DDAH1: variants seen among roughly 807,000 people sequenced by gnomAD.
DDAH1 encodes N(G),N(G)-dimethylarginine dimethylaminohydrolase 1.
In DDAH1, 19 loss-of-function variants were observed where a neutral mutation model predicts 28.8. The ratio of observed to expected loss-of-function variants is 0.66; its 90% CI spans 0.46 to 0.97. The LOEUF (loss-of-function observed/expected upper bound fraction) is 0.97, where lower values mean the gene tolerates loss of function less well. DDAH1 is among the 50% of genes least tolerant of loss of function. The probability of loss-of-function intolerance (pLI) is 0.00; values close to 1 mark genes in which losing one functional copy is unlikely to be tolerated. For synonymous variants in DDAH1, 153 were observed against 154.4 expected, an observed-to-expected ratio of 0.99 and a Z score of 0.07; for missense variants, 326 against 375.9, an observed-to-expected ratio of 0.87 and a Z score of 1.10.
intron 1 of DDAH1, among the ~76,000 whole-genome samples, chr1:85,443,787 G>C (rs959251519): frequency 1.2e-4 from 18 of 152,294 alleles, no homozygotes; most frequent in Non-Finnish European, 2.5e-4. Flanking sequence ...TTGTGAAGGG[G>C]AGTTCACTCA....
At chr1:85,348,146 A>G (rs957482396) in intron 4 of DDAH1, among the ~76,000 whole-genome samples, 1 of 152,164 alleles carries the variant, frequency 6.6e-6, no homozygotes, top group African/African-American at 2.4e-5. Flanking sequence ...CACTAACTCG[A>G]ATGAACTCTA....
chr1:85,419,428 T>C (rs1417538529), intron 1 of DDAH1, among the ~76,000 whole-genome samples: 3 of 150,170 alleles, frequency 2.0e-5, no homozygotes, highest in African/African-American at 7.4e-5. Flanking sequence ...TAACCCCAGC[T>C]ATTCGGGAGG....
At chr1:85,485,015 A>G (rs1451674803) in intron 2 of DDAH1, among the ~76,000 whole-genome samples, 3 of 152,234 alleles carry the variant, frequency 2.0e-5, no homozygotes, top group Admixed American at 2.0e-4. Flanking sequence ...TGCTATGGAT[A>G]GCATACCTGA....
At chr1:85,374,543 C>T (rs1650556215) in intron 1 of DDAH1, among the ~76,000 whole-genome samples, 1 of 151,996 alleles carries the variant, frequency 6.6e-6, no homozygotes, top group African/African-American at 2.4e-5. Flanking sequence ...GTAACATATC[C>T]CATCCCACAA....
chr1:85,469,893 T>G (rs1397694633), upstream of DDAH1, among the ~76,000 whole-genome samples: 1 of 152,218 alleles, frequency 6.6e-6, no homozygotes, highest in Non-Finnish European at 1.5e-5. Context: ...ATAAGCAATT[T>G]CCTTTAAATT....
At chr1:85,475,345 G>C (rs1655760285) in intron 2 of DDAH1, among the ~76,000 whole-genome samples, 1 of 152,152 alleles carries the variant, frequency 6.6e-6, no homozygotes, top group Non-Finnish European at 1.5e-5. Flanking sequence ...GAGGAGGAGG[G>C]AAAAAGAAGA....
intron 1 of DDAH1, among the ~76,000 whole-genome samples, chr1:85,572,117 C>A (rs1659474570): frequency 6.6e-6 from 1 of 152,192 alleles, no homozygotes; most frequent in Non-Finnish European, 1.5e-5. Context: ...CTCTCAATCT[C>A]TGAGAAGTTC....
chr1:85,334,413 A>G (rs566293914), intron 4 of DDAH1, among the ~76,000 whole-genome samples: 1 of 152,296 alleles, frequency 6.6e-6, no homozygotes, highest in Non-Finnish European at 1.5e-5. Context: ...ACAGCAAGAG[A>G]AAAACATCTG....
intron 2 of DDAH1, chr1:85,494,284 C>T (rs1656504184): frequency 6.6e-6 from 1 of 152,202 alleles, no homozygotes; most frequent in South Asian, 2.1e-4. Flanking sequence ...TGCATTAAGG[C>T]TGCCTAACTT....
At chr1:85,449,109 A>G (rs1054763739) in intron 1 of DDAH1, among the ~76,000 whole-genome samples, 2 of 152,202 alleles carry the variant, frequency 1.3e-5, no homozygotes, top group Non-Finnish European at 2.9e-5. Flanking sequence ...CCAATAGCAC[A>G]AGGCCAGTGA....
intron 1 of DDAH1, among the ~76,000 whole-genome samples, chr1:85,389,856 T>C (rs769967993): frequency 1.4e-4 from 21 of 152,140 alleles, no homozygotes; most frequent in Middle Eastern, 3.2e-3. Context: ...CCCACCATGC[T>C]AGTGGGCTCA....
chr1:85,410,569 G>T (rs1263964395), intron 1 of DDAH1, among the ~76,000 whole-genome samples: 1 of 151,476 alleles, frequency 6.6e-6, no homozygotes, highest in Non-Finnish European at 1.5e-5. Flanking sequence ...AACCTGGGAG[G>T]TGGAGGTTGT....
chr1:85,398,723 A>G (rs902868573), intron 1 of DDAH1: 1 of 152,152 alleles, frequency 6.6e-6, no homozygotes, highest in African/African-American at 2.4e-5. Flanking sequence ...ACTTCTTATG[A>G]TATTCTTACC....
intron 1 of DDAH1, among the ~76,000 whole-genome samples, chr1:85,548,913 C>T (rs1249595121): frequency 6.6e-6 from 1 of 152,138 alleles, no homozygotes; most frequent in East Asian, 1.9e-4. Flanking sequence ...TAAGACTTAG[C>T]AAGAAAACCT....
chr1:85,513,152 T>G (rs111242184), intron 1 of DDAH1, among the ~76,000 whole-genome samples: 3 of 151,888 alleles, frequency 2.0e-5, no homozygotes, highest in Non-Finnish European at 4.4e-5. Context: ...CCAAAACAGA[T>G]ATATAGACCA....
intron 2 of DDAH1, among the ~76,000 whole-genome samples, chr1:85,477,014 C>T (rs1366954600): frequency 3.3e-5 from 5 of 152,002 alleles, no homozygotes; most frequent in Non-Finnish European, 7.4e-5. Flanking sequence ...GGACTGGGTA[C>T]CATGAGCATG....
intron 1 of DDAH1, among the ~76,000 whole-genome samples, chr1:85,368,762 T>G (rs1202001251): frequency 6.6e-6 from 1 of 152,284 alleles, no homozygotes; most frequent in Middle Eastern, 3.4e-3. Context: ...TCTAAACTAA[T>G]TTTCCTGAAT....
intron 1 of DDAH1, among the ~76,000 whole-genome samples, chr1:85,512,045 A>G (rs562909218): frequency 1.3e-5 from 2 of 152,326 alleles, no homozygotes; most frequent in African/African-American, 4.8e-5. Context: ...AGACACAACA[A>G]AAAAAGAGAA....
intron 1 of DDAH1, among the ~76,000 whole-genome samples, chr1:85,504,984 T>C (rs1656962537): frequency 1.8e-5 from 2 of 113,020 alleles, no homozygotes; most frequent in African/African-American, 4.3e-5. Flanking sequence ...TTTTTTTTTT[T>C]TTTTTTTTTT....
Sources: allele counts gnomAD v4.1 joint callset (sites outside exome capture counted in the v4.1 genomes callset), GRCh38; gene constraint gnomAD v4.1.1; transcripts MANE v1.5; gene names NCBI Gene and HGNC (gene_info 2026-07-23, HGNC 2026-07-21).